Variants in DMD observed in about 807,000 individuals in gnomAD.
DMD encodes dystrophin.
DMD carries 63 observed loss-of-function variants against 330.1 expected under a neutral mutation model. The ratio of observed to expected loss-of-function variants is 0.19; its 90% CI spans 0.16 to 0.24. The LOEUF is 0.24. Among genes scored for constraint, DMD ranks in the 10% least tolerant of loss-of-function variants. DMD has a pLI of 1.00. For synonymous variants in DMD, 1,223 were observed against 959.8 expected, an observed-to-expected ratio of 1.27 and a Z score of -5.07; for missense variants, 3,344 against 2,684.1, an observed-to-expected ratio of 1.25 and a Z score of -5.43.
At chrX:33,199,363 G>C (rs1200761050) in intron 1 of DMD, among the ~76,000 whole-genome samples, 1 of 110,974 alleles carries the variant, frequency 9.0e-6, no homozygotes. Context: ...GAAATAACTG[G>C]GTAAAAAAGA....
In DMD at chrX:32,457,319, A is replaced by G. The variant is rs190890036; in HGVS notation, c.3433-2487T>C. ...TTAATTGGCATCAAGAGAGAAGGGA[A>G]GGAGTGAAATGGAGAGAAAGGAATG... On this transcript the variant is annotated intron_variant, in intron 25 of 78. Transcript: ENST00000357033. Among the ~76,000 whole-genome samples, 9 of 111,267 alleles carry G rather than the reference A, an allele frequency of 8.1e-5. No individual in the cohort carries two copies. The East Asian group carries it at 2.6e-3, about 32-fold the overall frequency.
chrX:31,174,623 T>C (rs926519980), intron 71 of DMD, among the ~76,000 whole-genome samples: 5 of 111,552 alleles, frequency 4.5e-5, no homozygotes, highest in African/African-American at 6.5e-5. Context: ...TCAACGATAA[T>C]GTAATTCAGA....
chrX:31,556,072 A>T (rs6653854), intron 55 of DMD, among the ~76,000 whole-genome samples: 15,064 of 109,650 alleles, frequency 0.14, 1,025 homozygotes, highest in African/African-American at 0.21. Flanking sequence ...AGTTTAAAAA[A>T]AATAATAATA....
chrX:32,574,162 G>C (rs985606800), intron 13 of DMD, among the ~76,000 whole-genome samples: 2 of 111,384 alleles, frequency 1.8e-5, no homozygotes, highest in Admixed American at 1.9e-4. Context: ...TTTGCAGTGA[G>C]AACAAGTAAA....
intron 60 of DMD, among the ~76,000 whole-genome samples, chrX:31,379,807 G>A (rs188921474): frequency 0.024 from 2,682 of 112,057 alleles, 45 homozygotes; most frequent in Non-Finnish European, 0.034. Flanking sequence ...ACTGGGCCAA[G>A]GAATGCCCGC....
At chrX:32,136,510 A>G (rs1254760547) in intron 44 of DMD, among the ~76,000 whole-genome samples, 2 of 111,566 alleles carry the variant, frequency 1.8e-5, no homozygotes, top group Non-Finnish European at 3.8e-5. Flanking sequence ...CAGGTAGCAA[A>G]TCAATGCAGA....
At chrX:31,541,509 C>A (rs1448674102) in intron 55 of DMD, among the ~76,000 whole-genome samples, 3 of 87,212 alleles carry the variant, frequency 3.4e-5, no homozygotes, top group Non-Finnish European at 6.7e-5. Context: ...CCACGACAGG[C>A]CCTGGTGTGT....
At chrX:33,196,548 A>T (rs2050950262) in intron 1 of DMD, among the ~76,000 whole-genome samples, 1 of 112,056 alleles carries the variant, frequency 8.9e-6, no homozygotes, top group South Asian at 3.7e-4. Flanking sequence ...TAGTCTTTTG[A>T]TCTATGTATC....
intron 43 of DMD, among the ~76,000 whole-genome samples, chrX:32,236,152 A>C (rs901386449): frequency 8.9e-6 from 1 of 112,014 alleles, no homozygotes; most frequent in Admixed American, 9.5e-5. Flanking sequence ...AAAATCAGAC[A>C]AAATTACAAT....
intron 2 of DMD, among the ~76,000 whole-genome samples, chrX:33,009,326 A>ATATACACATATGTGTATG (rs1569548901): frequency 3.5e-5 from 2 of 57,375 alleles, no homozygotes; most frequent in African/African-American, 1.6e-4. Context: ...ATATGTGTAT[A>ATATACACATATGTGTATG]TGTGTATATA....
chrX:31,891,067 G>A (rs2094242269), intron 47 of DMD, among the ~76,000 whole-genome samples: 1 of 111,452 alleles, frequency 9.0e-6, no homozygotes, highest in Non-Finnish European at 1.9e-5. Flanking sequence ...AAGAAAATCA[G>A]TATCCCTGGA....
chrX:32,243,277 A>G (rs1451873005), intron 43 of DMD, among the ~76,000 whole-genome samples: 2 of 111,488 alleles, frequency 1.8e-5, no homozygotes, highest in Admixed American at 9.6e-5. Flanking sequence ...TAGCTTGGGT[A>G]CATACCAATT....
Position 32,842,376 on chromosome X carries a change from CT to C in DMD, c.264+2406del, listed in dbSNP as rs754898705. Among the ~76,000 whole-genome samples, 13 of 112,288 alleles carry C rather than the reference CT, an allele frequency of 1.2e-4. No individual in the cohort carries two copies. In the East Asian group the frequency reaches 3.7e-3, roughly 32 times the overall value. On this transcript the variant is annotated intron_variant, in intron 4 of 78. Transcript: ENST00000357033. ...CACTCCTCCAAAAACTTGCCCTATT[CT>C]TTTGCTCATTGTAATAGTGTAAACA...
chrX:33,259,606 C>G (rs1184286189), intron 1 of DMD, among the ~76,000 whole-genome samples: 4 of 72,096 alleles, frequency 5.5e-5, no homozygotes, highest in Non-Finnish European at 1.1e-4. Flanking sequence ...CGCCCCCCCC[C>G]CCCAAAAAAA....
At chrX:33,291,689 T>A (rs761950075) in intron 1 of DMD, among the ~76,000 whole-genome samples, 1 of 111,360 alleles carries the variant, frequency 9.0e-6, no homozygotes, top group South Asian at 3.8e-4. Flanking sequence ...TTTTTCTGTG[T>A]CTCCGTCTTC....
intron 48 of DMD, among the ~76,000 whole-genome samples, chrX:31,860,796 C>A (rs2093685891): frequency 8.9e-6 from 1 of 111,791 alleles, no homozygotes; most frequent in South Asian, 3.7e-4. Flanking sequence ...AAAGACAAAC[C>A]CTGTTCTAGC....
chrX:32,900,793 G>A (rs980522611), intron 2 of DMD, among the ~76,000 whole-genome samples: 7 of 111,718 alleles, frequency 6.3e-5, no homozygotes, highest in Admixed American at 4.8e-4. Flanking sequence ...AGATCACATT[G>A]GAGGTCAAAA....
intron 38 of DMD, among the ~76,000 whole-genome samples, chrX:32,347,750 A>C (rs1350377331): frequency 8.9e-6 from 1 of 111,909 alleles, no homozygotes; most frequent in Admixed American, 9.5e-5. Flanking sequence ...AGAGAAAAAA[A>C]AAGTCAGTTA....
At chrX:32,887,836 A>G (rs1021429414) in intron 2 of DMD, among the ~76,000 whole-genome samples, 8 of 107,626 alleles carry the variant, frequency 7.4e-5, no homozygotes, top group Non-Finnish European at 1.5e-4. Flanking sequence ...TGAACCCAAG[A>G]GCATAGGCAA....
Sources: gnomAD v4.1 joint callset for allele counts (sites outside exome capture counted in the v4.1 genomes callset) on GRCh38, gnomAD v4.1.1 for gene constraint, MANE v1.5 for transcripts, NCBI Gene and HGNC (gene_info 2026-07-23, HGNC 2026-07-21) for gene names.